The following SLIT3 variants were observed in gnomAD, a reference collection of about 807,000 sequenced individuals.
SLIT3 encodes the protein slit homolog 3 protein.
SLIT3 carries 68 observed loss-of-function variants against 184.0 expected under a neutral mutation model. That is an observed-to-expected ratio of 0.37 (90% CI 0.30 to 0.45). The LOEUF (loss-of-function observed/expected upper bound fraction) is 0.45, where lower values mean the gene tolerates loss of function less well. Ranked by LOEUF, SLIT3 falls within the 20% of genes least tolerant of loss-of-function variation. SLIT3 has a pLI of 1.00. For missense variants in SLIT3, 1,707 were observed against 2,026.0 expected (o/e 0.84, Z 3.02); for synonymous variants, 831 against 828.6 (o/e 1.00, Z -0.05).
At position 168,776,834 on chromosome 5, in the gene SLIT3, G is replaced by C. The variant is rs550968377; in HGVS notation, c.1152-2456C>G. Among the ~76,000 whole-genome samples, 403 of 152,086 alleles carry C rather than the reference G, an allele frequency of 2.6e-3. 1 individual carries two copies. The highest frequency in any genetic ancestry group is 5.4e-3 in the South Asian group (26 of 4,806). On this transcript the variant is annotated intron_variant, in intron 12 of 35. Transcript: ENST00000519560. ...GGACCCTTCACACACACAGTGTTTT[G>C]ATTTTTTTTAAAGTACACACATGGT...
At chr5:168,851,949 G>A (rs566789211) in intron 5 of SLIT3, among the ~76,000 whole-genome samples, 5 of 152,326 alleles carry the variant, frequency 3.3e-5, no homozygotes, top group South Asian at 4.1e-4. Context: ...ACAAGCCCAT[G>A]ACAAGGCCAG....
At chr5:169,030,815 CA>C (rs1757000865) in intron 4 of SLIT3, among the ~76,000 whole-genome samples, 1 of 152,130 alleles carries the variant, frequency 6.6e-6, no homozygotes, top group Non-Finnish European at 1.5e-5. Flanking sequence ...GAAGTTTGGC[CA>C]ATAAAAGCAA....
intron 6 of SLIT3, among the ~76,000 whole-genome samples, chr5:168,836,511 C>A (rs567237453): frequency 6.6e-6 from 1 of 152,270 alleles, no homozygotes; most frequent in African/African-American, 2.4e-5. Context: ...CCCTCCACAT[C>A]TTGCCCTTGA....
intron 12 of SLIT3, among the ~76,000 whole-genome samples, chr5:168,777,580 T>C (rs1480256379): frequency 6.6e-6 from 1 of 152,130 alleles, no homozygotes; most frequent in African/African-American, 2.4e-5. Context: ...ATGTAAGGCA[T>C]CAAAACAACC....
At chr5:169,223,147 G>A (rs1764673416) in intron 3 of SLIT3, among the ~76,000 whole-genome samples, 1 of 152,126 alleles carries the variant, frequency 6.6e-6, no homozygotes, top group Non-Finnish European at 1.5e-5. Context: ...GAATTCCCAG[G>A]GAAGCTCAGT....
At chr5:168,880,372 C>T (rs570874974) in intron 5 of SLIT3, among the ~76,000 whole-genome samples, 19 of 152,226 alleles carry the variant, frequency 1.2e-4, no homozygotes, top group Non-Finnish European at 1.0e-4. Flanking sequence ...CTTTCTAACC[C>T]AATCACACAC....
At chr5:168,877,539 G>A (rs1186679810) in intron 5 of SLIT3, among the ~76,000 whole-genome samples, 1 of 152,120 alleles carries the variant, frequency 6.6e-6, no homozygotes, top group Non-Finnish European at 1.5e-5. Flanking sequence ...TGCTACCAAC[G>A]AACGGGTGCT....
intron 4 of SLIT3, among the ~76,000 whole-genome samples, chr5:168,996,366 G>T (rs1755509727): frequency 1.3e-5 from 2 of 152,232 alleles, no homozygotes; most frequent in East Asian, 3.9e-4. Flanking sequence ...ACATTAAATG[G>T]TTCCATTTTC....
At chr5:169,198,913 C>A (rs1561732935) in intron 3 of SLIT3, among the ~76,000 whole-genome samples, 1 of 151,334 alleles carries the variant, frequency 6.6e-6, no homozygotes, top group Non-Finnish European at 1.5e-5. Flanking sequence ...GCCTGGGCAA[C>A]AGAGCAAGAC....
chr5:168,718,689 C>CACAA (rs1325344994), intron 23 of SLIT3, among the ~76,000 whole-genome samples: 1 of 123,992 alleles, frequency 8.1e-6, no homozygotes, highest in Non-Finnish European at 1.6e-5. Flanking sequence ...CACACACACA[C>CACAA]ACACACACAC....
At chr5:168,696,163 T>C (rs1326441465) in intron 28 of SLIT3, 129 bp downstream of exon 28, 1 of 1,159,846 alleles carries the variant, frequency 8.6e-7, no homozygotes, top group East Asian at 2.4e-5. Context: ...CCTCTTGGCA[T>C]ATCACAGTCT....
rs948719543 is a variant in SLIT3, at chr5:169,211,066, A to C, written c.342-17516T>G. On this transcript the variant is annotated intron_variant, in intron 3 of 35. Coordinates refer to ENST00000519560, the MANE Select transcript of SLIT3 (RefSeq NM_003062.4). Reference sequence around the variant, plus strand: ...TATGCCTTTGATAGCCAAGAACCCAAATAGAAGGAGAAGTCACAAGGATAT... The same window carrying C: ...TATGCCTTTGATAGCCAAGAACCCACATAGAAGGAGAAGTCACAAGGATAT... 7.0e-4 allele frequency among the ~76,000 whole-genome samples: 106 copies of C among 152,286 alleles called. 1 individual carries two copies. Among genetic ancestry groups the C allele is most frequent in the Non-Finnish European group, 1.2e-4 (8 of 68,024 alleles).
intron 4 of SLIT3, among the ~76,000 whole-genome samples, chr5:169,039,297 A>G (rs1335935261): frequency 6.7e-6 from 1 of 150,084 alleles, no homozygotes; most frequent in Non-Finnish European, 1.5e-5. Context: ...GTGCTCCGTA[A>G]GAGTTAAGTT....
At chr5:168,836,458 C>G (rs7725709) in intron 6 of SLIT3, among the ~76,000 whole-genome samples, 7,821 of 152,288 alleles carry the variant, frequency 0.051, 682 homozygotes, top group African/African-American at 0.18. Context: ...TAGGAGTGAA[C>G]TGACCGCTGT....
intron 4 of SLIT3, among the ~76,000 whole-genome samples, chr5:169,079,861 G>GGAGGAGGAGGGAGGAAT (rs1758942581): frequency 7.7e-6 from 1 of 129,452 alleles, no homozygotes; most frequent in African/African-American, 3.3e-5. Context: ...GAGGGAGGGA[G>GGAGGAGGAGGGAGGAAT]GAGGAAAGGT....
At chr5:168,930,392 A>T (rs12653485) in intron 4 of SLIT3, among the ~76,000 whole-genome samples, 8,506 of 152,280 alleles carry the variant, frequency 0.056, 347 homozygotes, top group East Asian at 0.13. Flanking sequence ...ACACATTTGC[A>T]TGCTGAATGG....
At chr5:169,264,314 C>T (rs755442991) in intron 1 of SLIT3, among the ~76,000 whole-genome samples, 1 of 152,166 alleles carries the variant, frequency 6.6e-6, no homozygotes, top group African/African-American at 2.4e-5. Context: ...CTGCCTCAGC[C>T]TCCCGAGTAG....
At chr5:168,852,822 G>A (rs188889941) in intron 5 of SLIT3, among the ~76,000 whole-genome samples, 2 of 152,296 alleles carry the variant, frequency 1.3e-5, no homozygotes, top group East Asian at 3.9e-4. Context: ...CTCAGTCTCA[G>A]TTGTAAAAGG....
chr5:169,093,983 C>G (rs974362363), intron 4 of SLIT3, among the ~76,000 whole-genome samples: 3 of 152,144 alleles, frequency 2.0e-5, no homozygotes, highest in Admixed American at 2.0e-4. Flanking sequence ...GTTCCTGGTA[C>G]CGTTCTAAGC....
Sources: allele counts gnomAD v4.1 joint callset (sites outside exome capture counted in the v4.1 genomes callset), GRCh38; gene constraint gnomAD v4.1.1; transcripts MANE v1.5; gene names NCBI Gene and HGNC (gene_info 2026-07-23, HGNC 2026-07-21).